Variants in DAB1 observed in about 807,000 individuals in gnomAD.
DAB1 encodes disabled homolog 1.
Under a neutral mutation model 64.6 loss-of-function variants are expected in DAB1, and 15 were observed. The ratio of observed to expected loss-of-function variants is 0.23; its 90% confidence interval spans 0.16 to 0.36. The LOEUF (loss-of-function observed/expected upper bound fraction) is 0.36. Among genes scored for constraint, DAB1 ranks in the 10% least tolerant of loss-of-function variants. DAB1 has a pLI of 1.00. For missense variants in DAB1, 596 were observed against 706.7 expected, an observed-to-expected ratio of 0.84 and a Z score of 1.78; for synonymous variants, 235 against 251.9, an observed-to-expected ratio of 0.93 and a Z score of 0.64.
chr1:57,134,312 C>T (rs577331028), intron 4 of DAB1, among the ~76,000 whole-genome samples: 3 of 152,138 alleles, frequency 2.0e-5, no homozygotes, highest in South Asian at 2.1e-4. Flanking sequence ...AGGCTGGGCG[C>T]GGTGGCTCAT....
Position 58,238,855 on chromosome 1 carries a change from G to A in DAB1, n.310-88267C>T, listed in dbSNP as rs528038999. Among the ~76,000 whole-genome samples, 14 of 152,270 alleles carry A rather than the reference G, an allele frequency of 9.2e-5. No individual in the cohort carries two copies. In the East Asian group the frequency reaches 2.7e-3, roughly 29 times the overall value. On this transcript the variant is annotated intron_variant and non_coding_transcript_variant, in intron 4 of 20. Transcript: ENST00000485760. ...TTCTTATACTTCTGCATGGGAACCA[G>A]AAGTGACTAGACAAAACTCTGGGGA...
chr1:57,885,095 A>G (rs4912174), upstream of DAB1, among the ~76,000 whole-genome samples: 15,069 of 152,240 alleles, frequency 0.099, 1,054 homozygotes, highest in Admixed American at 0.24. Context: ...TAGAAACACA[A>G]ACAGATCAAG....
rs530052032 is a variant in DAB1 at position 58,130,484 on chromosome 1, A to T, written n.387+20027T>A. Among the ~76,000 whole-genome samples, 136 of 152,162 alleles carry T rather than the reference A, an allele frequency of 8.9e-4. 2 individuals carry two copies. Among genetic ancestry groups the T allele is most frequent in the African/African-American group, 3.1e-3 (129 of 41,498 alleles). The stretch of plus-strand genomic sequence containing the variant: ...TTAAAATTAATATTGTTATATGTGA[A>T]TTTGATCCTGTCATTATGATGTTAG... On this transcript the variant is annotated intron_variant and non_coding_transcript_variant, in intron 5 of 20. Transcript: ENST00000485760.
chr1:57,061,230 G>T (rs1333572949), intron 9 of DAB1, among the ~76,000 whole-genome samples: 368 of 22,728 alleles, frequency 0.016, 4 homozygotes, highest in African/African-American at 0.032. Context: ...TATTTAGATG[G>T]GGGGGGGGGG....
chr1:58,439,635 T>C (rs1232064836), intron 3 of DAB1, among the ~76,000 whole-genome samples: 2 of 152,148 alleles, frequency 1.3e-5, no homozygotes, highest in Non-Finnish European at 2.9e-5. Context: ...GTGAGGAAAG[T>C]AGGTATCATG....
intron 4 of DAB1, among the ~76,000 whole-genome samples, chr1:58,156,775 T>C (rs990638274): frequency 2.6e-5 from 4 of 152,090 alleles, no homozygotes; most frequent in African/African-American, 4.8e-5. Flanking sequence ...CACAGGTTGA[T>C]TGTGGAAGGA....
At chr1:57,372,640 A>G (rs1323939054) in intron 1 of DAB1, among the ~76,000 whole-genome samples, 1 of 152,138 alleles carries the variant, frequency 6.6e-6, no homozygotes, top group Admixed American at 6.5e-5. Context: ...TCAAGAAAAT[A>G]CATCTAAGCT....
At chr1:57,596,493 AT>A (rs397762287) in intron 7 of DAB1, among the ~76,000 whole-genome samples, 31 of 149,156 alleles carry the variant, frequency 2.1e-4, no homozygotes, top group Admixed American at 5.4e-4. Flanking sequence ...CCATTTATGG[AT>A]TTTTTTTTTT....
chr1:57,403,030 C>G (rs1444151359), intron 1 of DAB1, among the ~76,000 whole-genome samples: 1 of 152,180 alleles, frequency 6.6e-6, no homozygotes, highest in Non-Finnish European at 1.5e-5. Context: ...CTGTTATAAA[C>G]CTGCATTTCC....
intron 3 of DAB1, among the ~76,000 whole-genome samples, chr1:58,500,477 C>T (rs1376455538): frequency 4.6e-5 from 7 of 152,082 alleles, no homozygotes; most frequent in Non-Finnish European, 7.4e-5. Context: ...ATGATTTACA[C>T]GAGTTCAAAC....
chr1:57,394,455 T>A (rs989139728), intron 1 of DAB1, among the ~76,000 whole-genome samples: 1 of 152,246 alleles, frequency 6.6e-6, no homozygotes, highest in African/African-American at 2.4e-5. Context: ...TTTCAGGTCC[T>A]GAACTAGCTT....
At chr1:58,020,417 C>T (rs1646799552) in intron 5 of DAB1, among the ~76,000 whole-genome samples, 1 of 152,174 alleles carries the variant, frequency 6.6e-6, no homozygotes, top group Non-Finnish European at 1.5e-5. Flanking sequence ...TGAGCTTCCT[C>T]ACTAAACAAT....
chr1:58,305,922 A>T (rs1306628389), intron 4 of DAB1, among the ~76,000 whole-genome samples: 3 of 152,172 alleles, frequency 2.0e-5, no homozygotes, highest in African/African-American at 7.2e-5. Context: ...CTTCACAATG[A>T]GGGTCTTTCC....
chr1:58,444,328 C>G (rs942664711), intron 3 of DAB1, among the ~76,000 whole-genome samples: 1 of 152,208 alleles, frequency 6.6e-6, no homozygotes. Context: ...TCATATAATC[C>G]TCACATCAAC....
chr1:57,980,997 G>C (rs1646053074), intron 5 of DAB1, among the ~76,000 whole-genome samples: 1 of 150,618 alleles, frequency 6.6e-6, no homozygotes, highest in African/African-American at 2.4e-5. Context: ...ATACATACAA[G>C]GATAATATGA....
chr1:58,190,132 C>T (rs1036738032), intron 4 of DAB1, among the ~76,000 whole-genome samples: 4 of 152,094 alleles, frequency 2.6e-5, no homozygotes, highest in African/African-American at 9.7e-5. Context: ...TGATGATTTC[C>T]AGGTACCTTA....
intron 10 of DAB1, among the ~76,000 whole-genome samples, chr1:57,024,105 C>T (rs1034981679): frequency 6.6e-6 from 1 of 152,148 alleles, no homozygotes; most frequent in African/African-American, 2.4e-5. Context: ...GGTCAATGAG[C>T]AGTTGTTGAC....
intron 1 of DAB1, among the ~76,000 whole-genome samples, chr1:57,400,254 T>G (rs1015269799): frequency 1.3e-5 from 2 of 152,166 alleles, no homozygotes; most frequent in African/African-American, 4.8e-5. Flanking sequence ...CATTGATTTT[T>G]CAGGTTAATT....
At chr1:58,535,735 G>A (rs890546235) in intron 1 of DAB1, among the ~76,000 whole-genome samples, 1 of 152,016 alleles carries the variant, frequency 6.6e-6, no homozygotes, top group Admixed American at 6.6e-5. Context: ...AATGACCTCT[G>A]TCCCTAAGAA....
Sources: gnomAD v4.1 joint callset for allele counts (sites outside exome capture counted in the v4.1 genomes callset) on GRCh38, gnomAD v4.1.1 for gene constraint, MANE v1.5 for transcripts, NCBI Gene and HGNC (gene_info 2026-07-23, HGNC 2026-07-21) for gene names.